Variants in MBD5 observed in about 807,000 individuals in gnomAD.
The protein encoded by MBD5 is methyl-CpG-binding domain protein 5.
Under a neutral mutation model 117.3 loss-of-function variants are expected in MBD5, and 13 were observed. That is an observed-to-expected ratio of 0.11 (90% CI 0.07 to 0.18). MBD5 has a LOEUF of 0.18. Among genes scored for constraint, MBD5 ranks in the 10% least tolerant of loss-of-function variants. MBD5 has a pLI of 1.00. For synonymous variants in MBD5, 727 were observed against 766.4 expected (o/e 0.95, Z 0.85); for missense variants, 1,879 against 2,093.8 (o/e 0.90, Z 2.00).
chr2:148,361,808 A>G (rs1178458538), intron 4 of MBD5, among the ~76,000 whole-genome samples: 1 of 152,134 alleles, frequency 6.6e-6, no homozygotes, highest in Admixed American at 6.5e-5. Flanking sequence ...CTGTATTTCT[A>G]ACTGAGGTAC....
At chr2:148,382,036 A>G (rs1183539787) in intron 4 of MBD5, among the ~76,000 whole-genome samples, 2 of 152,212 alleles carry the variant, frequency 1.3e-5, no homozygotes, top group Admixed American at 1.3e-4. Context: ...AAGGCTACGA[A>G]GAAACTGCAT....
At chr2:148,467,542 T>G (rs1680590680) in intron 7 of MBD5, among the ~76,000 whole-genome samples, 1 of 152,288 alleles carries the variant, frequency 6.6e-6, no homozygotes, top group South Asian at 2.1e-4. Context: ...CACCCAATTG[T>G]CTAATGAAAG....
chr2:148,049,139 G>A (rs544364137), intron 1 of MBD5, among the ~76,000 whole-genome samples: 1 of 152,148 alleles, frequency 6.6e-6, no homozygotes. Flanking sequence ...GGATTGACTG[G>A]ACTGTAGCTT....
chr2:148,480,819 T>C (rs1187060197), intron 8 of MBD5, among the ~76,000 whole-genome samples: 1 of 152,090 alleles, frequency 6.6e-6, no homozygotes, highest in African/African-American at 2.4e-5. Flanking sequence ...AATATTTATA[T>C]ATTTTCAAAG....
intron 1 of MBD5, among the ~76,000 whole-genome samples, chr2:148,043,276 A>T (rs28706506): frequency 0.026 from 3,983 of 150,398 alleles, 123 homozygotes; most frequent in African/African-American, 0.059. Flanking sequence ...ATACAAAAAA[A>T]AAATAAAAAA....
chr2:148,465,439 A>C (rs1214258596), intron 7 of MBD5, among the ~76,000 whole-genome samples: 3 of 152,190 alleles, frequency 2.0e-5, no homozygotes, highest in African/African-American at 7.2e-5. Flanking sequence ...ATATTAATTC[A>C]GAATAAAATA....
intron 4 of MBD5, among the ~76,000 whole-genome samples, chr2:148,418,398 G>T (rs1000651419): frequency 1.3e-5 from 2 of 152,018 alleles, no homozygotes; most frequent in African/African-American, 4.8e-5. Flanking sequence ...TAAATAAAGG[G>T]TATTCAAATT....
At chr2:148,383,863 A>T (rs1172591556) in intron 4 of MBD5, among the ~76,000 whole-genome samples, 1 of 152,246 alleles carries the variant, frequency 6.6e-6, no homozygotes, top group East Asian at 1.9e-4. Context: ...CAAAAACCAG[A>T]TGATTATCTC....
chr2:148,466,711 C>G (rs889473208), intron 7 of MBD5, among the ~76,000 whole-genome samples: 1 of 152,142 alleles, frequency 6.6e-6, no homozygotes, highest in African/African-American at 2.4e-5. Context: ...GCAATTCTCT[C>G]ATATCATTGG....
chr2:148,036,268 A>G (rs1694193114), intron 1 of MBD5, among the ~76,000 whole-genome samples: 1 of 152,140 alleles, frequency 6.6e-6, no homozygotes, highest in Non-Finnish European at 1.5e-5. Context: ...AGAACCCAAC[A>G]TATTCCATGT....
At chr2:148,099,473 T>G (rs1335918255) in intron 1 of MBD5, among the ~76,000 whole-genome samples, 1 of 152,204 alleles carries the variant, frequency 6.6e-6, no homozygotes, top group African/African-American at 2.4e-5. Context: ...GTGCATGATC[T>G]TTTAAATATG....
intron 1 of MBD5, among the ~76,000 whole-genome samples, chr2:148,050,232 G>A (rs1694657460): frequency 6.6e-6 from 1 of 152,032 alleles, no homozygotes; most frequent in South Asian, 2.1e-4. Context: ...CATCAAGTGA[G>A]GTTGAAATTT....
chr2:148,461,071 T>C (rs962498733), intron 5 of MBD5, among the ~76,000 whole-genome samples: 1 of 152,170 alleles, frequency 6.6e-6, no homozygotes, highest in Non-Finnish European at 1.5e-5. Context: ...TAGCTGGAAT[T>C]ACAAGCACAC....
chr2:148,222,661 T>C (rs11685302), intron 2 of MBD5, among the ~76,000 whole-genome samples: 91,147 of 151,790 alleles, frequency 0.6, 27,577 homozygotes, highest in East Asian at 0.71. Context: ...TGTGTATGTG[T>C]GTGTGTGTGT....
chr2:148,393,630 AG>A (rs1329658796), intron 4 of MBD5, among the ~76,000 whole-genome samples: 1 of 152,198 alleles, frequency 6.6e-6, no homozygotes, highest in Non-Finnish European at 1.5e-5. Context: ...TCCTAACTCA[AG>A]TTAACCAGAT....
At chr2:148,463,074 A>G (rs902184833) in intron 6 of MBD5, among the ~76,000 whole-genome samples, 3 of 152,196 alleles carry the variant, frequency 2.0e-5, no homozygotes, top group Non-Finnish European at 2.9e-5. Context: ...CAAAATCACA[A>G]AACTGAACCC....
chr2:148,094,858 C>T (rs1470722852), intron 1 of MBD5, among the ~76,000 whole-genome samples: 1 of 152,102 alleles, frequency 6.6e-6, no homozygotes, highest in Non-Finnish European at 1.5e-5. Context: ...ATCTGCTGCT[C>T]AGAGAGTAAG....
At chr2:148,245,307 C>A (rs1457989357) in intron 3 of MBD5, among the ~76,000 whole-genome samples, 1 of 152,106 alleles carries the variant, frequency 6.6e-6, no homozygotes, top group African/African-American at 2.4e-5. Flanking sequence ...CTCACTGCAA[C>A]CTCCGCCTCC....
intron 2 of MBD5, among the ~76,000 whole-genome samples, chr2:148,225,337 A>G (rs1206533599): frequency 6.6e-6 from 1 of 152,120 alleles, no homozygotes; most frequent in African/African-American, 2.4e-5. Context: ...TAAACACTCT[A>G]TGCCTTAACT....
Sources: gnomAD v4.1 joint callset for allele counts (sites outside exome capture counted in the v4.1 genomes callset) on GRCh38, gnomAD v4.1.1 for gene constraint, MANE v1.5 for transcripts, NCBI Gene and HGNC (gene_info 2026-07-23, HGNC 2026-07-21) for gene names.